Variants in GMDS observed in about 807,000 individuals in gnomAD.
GMDS encodes the protein GDP-mannose 4,6-dehydratase, also known as GDP-mannose 4,6 dehydratase.
A neutral mutation model predicts 49.9 loss-of-function variants in GMDS; 20 were observed. The observed-to-expected ratio is 0.40, with a 90% confidence interval of 0.28 to 0.58. The LOEUF (loss-of-function observed/expected upper bound fraction) is 0.58, where lower values mean the gene tolerates loss of function less well. Ranked by LOEUF, GMDS falls within the 20% of genes least tolerant of loss-of-function variation. The probability of loss-of-function intolerance (pLI) is 0.42; values close to 1 mark genes in which losing one functional copy is unlikely to be tolerated. For missense variants in GMDS, 362 were observed against 481.4 expected (o/e 0.75, Z 2.32); for synonymous variants, 177 against 178.6 (o/e 0.99, Z 0.07).
At chr6:1,812,381 C>T (rs1770468905) in intron 7 of GMDS, among the ~76,000 whole-genome samples, 1 of 152,160 alleles carries the variant, frequency 6.6e-6, no homozygotes, top group Non-Finnish European at 1.5e-5. Context: ...CTACTGGGGC[C>T]TCCACAGTTT....
chr6:1,815,264 C>A (rs984981536), intron 7 of GMDS, among the ~76,000 whole-genome samples: 7 of 152,130 alleles, frequency 4.6e-5, no homozygotes, highest in Admixed American at 4.6e-4. Context: ...CTTAGAGTCT[C>A]AATTAGCCAT....
intron 1 of GMDS, among the ~76,000 whole-genome samples, chr6:2,201,863 C>A (rs570653395): frequency 7.6e-6 from 1 of 131,148 alleles, no homozygotes. Context: ...CATGGGCATC[C>A]GAGATGAAAC....
At chr6:1,695,493 G>A (rs1765306900) in intron 9 of GMDS, among the ~76,000 whole-genome samples, 1 of 152,136 alleles carries the variant, frequency 6.6e-6, no homozygotes, top group African/African-American at 2.4e-5. Flanking sequence ...AAGAGGAAGG[G>A]GTGACAGTGA....
At chr6:2,237,286 A>C (rs1781403651) in intron 1 of GMDS, among the ~76,000 whole-genome samples, 1 of 152,194 alleles carries the variant, frequency 6.6e-6, no homozygotes, top group South Asian at 2.1e-4. Context: ...CTTGCCAAAG[A>C]CTAGGTTTGG....
intron 7 of GMDS, among the ~76,000 whole-genome samples, chr6:1,876,132 C>A (rs1297354723): frequency 6.6e-6 from 1 of 151,486 alleles, no homozygotes; most frequent in African/African-American, 2.4e-5. Flanking sequence ...GTGGTTGGCA[C>A]CTGTAATCCC....
chr6:1,679,869 G>A (rs920216863), intron 9 of GMDS: 2 of 152,142 alleles, frequency 1.3e-5, no homozygotes, highest in African/African-American at 2.4e-5. Context: ...CAGAGACTGT[G>A]CCAAAGTAAA....
intron 4 of GMDS, among the ~76,000 whole-genome samples, chr6:2,092,179 G>A (rs1395838361): frequency 2.0e-5 from 3 of 152,136 alleles, no homozygotes; most frequent in Non-Finnish European, 4.4e-5. Context: ...TGCTACGACC[G>A]GTTAGTAGTA....
At chr6:2,040,593 C>T (rs1769617672) in intron 4 of GMDS, among the ~76,000 whole-genome samples, 1 of 152,156 alleles carries the variant, frequency 6.6e-6, no homozygotes, top group Non-Finnish European at 1.5e-5. Context: ...AATATATCAG[C>T]CTGTAAGAGC....
chr6:1,867,944 C>G (rs1323815175), intron 7 of GMDS, among the ~76,000 whole-genome samples: 1 of 151,474 alleles, frequency 6.6e-6, no homozygotes, highest in Admixed American at 6.6e-5. Context: ...ACAGATGATC[C>G]TAGGAAGGGA....
chr6:2,197,419 C>T (rs1303386151), intron 1 of GMDS, among the ~76,000 whole-genome samples: 1 of 152,196 alleles, frequency 6.6e-6, no homozygotes, highest in Non-Finnish European at 1.5e-5. Flanking sequence ...GACCATTTGG[C>T]TGGAAGGAGG....
chr6:2,044,530 C>T (rs1344371482), intron 4 of GMDS, among the ~76,000 whole-genome samples: 1 of 152,034 alleles, frequency 6.6e-6, no homozygotes, highest in African/African-American at 2.4e-5. Context: ...CATGGACATA[C>T]AGAGGAAAAC....
At chr6:2,127,723 C>G (rs9503101) in intron 1 of GMDS, among the ~76,000 whole-genome samples, 2 of 152,150 alleles carry the variant, frequency 1.3e-5, no homozygotes, top group Non-Finnish European at 2.9e-5. Flanking sequence ...GCCGCCCCCT[C>G]GTCCTTTCCC....
chr6:1,808,006 T>C (rs528213536), intron 7 of GMDS, among the ~76,000 whole-genome samples: 4 of 152,224 alleles, frequency 2.6e-5, no homozygotes, highest in Non-Finnish European at 4.4e-5. Flanking sequence ...GAGGACTTCA[T>C]TTCTAGACTA....
At chr6:1,742,385 T>A (rs1181582540) in intron 8 of GMDS, 83 bp downstream of exon 8, 1 of 754,734 alleles carries the variant, frequency 1.3e-6, no homozygotes, top group Admixed American at 1.9e-5. Flanking sequence ...AGGGGGAAGA[T>A]GACAGCCAGA....
chr6:2,038,728 C>T (rs962169172), intron 4 of GMDS, among the ~76,000 whole-genome samples: 1 of 152,088 alleles, frequency 6.6e-6, no homozygotes, highest in African/African-American at 2.4e-5. Flanking sequence ...AATTTTTTCT[C>T]CAACTTTTAT....
At chr6:1,777,305 T>C (rs1318608552) in intron 7 of GMDS, among the ~76,000 whole-genome samples, 1 of 152,284 alleles carries the variant, frequency 6.6e-6, no homozygotes, top group Non-Finnish European at 1.5e-5. Context: ...TTCATTCCAC[T>C]ATTCCACACT....
intron 4 of GMDS, among the ~76,000 whole-genome samples, chr6:2,009,900 C>G (rs1419198175): frequency 6.6e-6 from 1 of 152,106 alleles, no homozygotes; most frequent in Non-Finnish European, 1.5e-5. Flanking sequence ...AAAAAGTGGT[C>G]TAACATGCTA....
At chr6:2,091,137 A>G (rs1441828636) in intron 4 of GMDS, among the ~76,000 whole-genome samples, 1 of 152,222 alleles carries the variant, frequency 6.6e-6, no homozygotes, top group African/African-American at 2.4e-5. Flanking sequence ...GTACGCTGAT[A>G]GAAAACCCAG....
intron 7 of GMDS, among the ~76,000 whole-genome samples, chr6:1,846,254 A>G (rs1474767710): frequency 1.3e-5 from 2 of 151,862 alleles, no homozygotes; most frequent in African/African-American, 4.8e-5. Flanking sequence ...CGCCATGTCC[A>G]GCTAAATTTT....
Sources: allele counts gnomAD v4.1 joint callset (sites outside exome capture counted in the v4.1 genomes callset), GRCh38; gene constraint gnomAD v4.1.1; transcripts MANE v1.5; gene names NCBI Gene and HGNC (gene_info 2026-07-23, HGNC 2026-07-21).